Variants in CACNB2 observed in about 807,000 individuals in gnomAD.
CACNB2 encodes voltage-dependent L-type calcium channel subunit beta-2.
A neutral mutation model predicts 73.3 loss-of-function variants in CACNB2; 42 were observed. The observed-to-expected ratio is 0.57, with a 90% confidence interval of 0.45 to 0.74. The LOEUF (loss-of-function observed/expected upper bound fraction) is 0.74, where lower values mean the gene tolerates loss of function less well. Among genes scored for constraint, CACNB2 ranks in the 30% least tolerant of loss-of-function variants. The pLI, the probability that CACNB2 is intolerant of heterozygous loss-of-function variation, is 0.00. For synonymous variants in CACNB2, 348 were observed against 310.3 expected (o/e 1.12, Z -1.28); for missense variants, 940 against 853.0 (o/e 1.10, Z -1.27).
chr10:18,262,760 A>G (rs1398614168), intron 2 of CACNB2, among the ~76,000 whole-genome samples: 1 of 152,256 alleles, frequency 6.6e-6, no homozygotes, highest in Admixed American at 6.5e-5. Context: ...ATGAATTAGA[A>G]GAAATCCATG....
chr10:18,363,641 A>C (rs1412206742), intron 2 of CACNB2, among the ~76,000 whole-genome samples: 3 of 152,156 alleles, frequency 2.0e-5, no homozygotes, highest in Non-Finnish European at 4.4e-5. Flanking sequence ...GCATGTTTAA[A>C]ATATGTATAT....
chr10:18,449,228 C>CA (rs1192519333), intron 3 of CACNB2, among the ~76,000 whole-genome samples: 2 of 151,804 alleles, frequency 1.3e-5, no homozygotes, highest in South Asian at 4.2e-4. Context: ...ACTAAAAATA[C>CA]AAAAAAATTA....
chr10:18,370,446 C>T (rs1263201380), intron 2 of CACNB2, among the ~76,000 whole-genome samples: 1 of 152,178 alleles, frequency 6.6e-6, no homozygotes, highest in Non-Finnish European at 1.5e-5. Flanking sequence ...CACAGACATG[C>T]ACCACCATGC....
intron 2 of CACNB2, among the ~76,000 whole-genome samples, chr10:18,222,847 G>T (rs1461113876): frequency 6.6e-6 from 1 of 152,198 alleles, no homozygotes; most frequent in Non-Finnish European, 1.5e-5. Context: ...TGAGGCAGGA[G>T]AATTTCTTGA....
At chr10:18,485,876 C>T (rs1382336514) in intron 3 of CACNB2, among the ~76,000 whole-genome samples, 1 of 151,486 alleles carries the variant, frequency 6.6e-6, no homozygotes, top group African/African-American at 2.4e-5. Context: ...AGCCACCGTG[C>T]CCAGCCTCCA....
At chr10:18,384,591 G>A (rs969346219) in intron 2 of CACNB2, among the ~76,000 whole-genome samples, 2 of 151,928 alleles carry the variant, frequency 1.3e-5, no homozygotes, top group Admixed American at 1.3e-4. Context: ...TTAGCTGGGC[G>A]TGATGGTGCA....
chr10:18,289,129 A>G (rs542683072), intron 2 of CACNB2, among the ~76,000 whole-genome samples: 1 of 152,100 alleles, frequency 6.6e-6, no homozygotes, highest in Non-Finnish European at 1.5e-5. Flanking sequence ...CTGATTAAAA[A>G]TTTCATATCT....
At chr10:18,403,755 G>A (rs1431899164) in intron 3 of CACNB2, among the ~76,000 whole-genome samples, 1 of 151,912 alleles carries the variant, frequency 6.6e-6, no homozygotes, top group Non-Finnish European at 1.5e-5. Flanking sequence ...ATGATGTAGA[G>A]GATAAAAGAA....
chr10:18,436,893 G>C (rs1160090352), intron 3 of CACNB2, among the ~76,000 whole-genome samples: 3 of 152,132 alleles, frequency 2.0e-5, no homozygotes, highest in African/African-American at 7.2e-5. Context: ...AAAAGAGAGA[G>C]TCACCTTATA....
intron 2 of CACNB2, among the ~76,000 whole-genome samples, chr10:18,319,589 A>G (rs930069856): frequency 6.6e-6 from 1 of 152,182 alleles, no homozygotes; most frequent in Non-Finnish European, 1.5e-5. Context: ...CATTCTGCAC[A>G]TGTATCCTGG....
rs190023768 is a variant in CACNB2 at position 18,266,762 on chromosome 10, T to C, written c.213+115787T>C. Among the ~76,000 whole-genome samples, 679 of 152,172 alleles carry C rather than the reference T, an allele frequency of 4.5e-3. 12 individuals carry two copies. Among genetic ancestry groups the C allele is most frequent in the African/African-American group, 0.016 (647 of 41,524 alleles). On this transcript the variant is annotated intron_variant, in intron 2 of 13. Transcript: ENST00000324631. ...GAACTTAGCCGTGCGTGGTGGTGCA[T>C]GCCTGTAATCCCAGCTACTCGGGAG...
chr10:18,310,888 T>A (rs1028598042), intron 2 of CACNB2, among the ~76,000 whole-genome samples: 1 of 152,042 alleles, frequency 6.6e-6, no homozygotes, highest in Non-Finnish European at 1.5e-5. Context: ...CGGACTGTTT[T>A]CTTTCATTTT....
At chr10:18,407,655 C>T (rs983601651) in intron 3 of CACNB2, among the ~76,000 whole-genome samples, 1 of 152,000 alleles carries the variant, frequency 6.6e-6, no homozygotes, top group African/African-American at 2.4e-5. Flanking sequence ...TTTACTGGCT[C>T]TCTGGTTTGT....
At chr10:18,186,009 A>G (rs1478625373) in intron 2 of CACNB2, among the ~76,000 whole-genome samples, 1 of 152,194 alleles carries the variant, frequency 6.6e-6, no homozygotes, top group African/African-American at 2.4e-5. Context: ...TTTAGTTGAC[A>G]TGTGAACAGA....
At chr10:18,478,614 T>A (rs1202005167) in intron 3 of CACNB2, among the ~76,000 whole-genome samples, 2 of 152,310 alleles carry the variant, frequency 1.3e-5, no homozygotes, top group Admixed American at 6.5e-5. Context: ...CAAATGTATT[T>A]AACATGCACA....
chr10:18,457,861 G>T (rs1458166197), intron 3 of CACNB2, among the ~76,000 whole-genome samples: 1 of 151,946 alleles, frequency 6.6e-6, no homozygotes, highest in Non-Finnish European at 1.5e-5. Context: ...TTGTACTCCA[G>T]CCTGGGTGAC....
chr10:18,356,973 T>C (rs2041946002), intron 2 of CACNB2, among the ~76,000 whole-genome samples: 2 of 95,966 alleles, frequency 2.1e-5, no homozygotes, highest in East Asian at 2.2e-4. Flanking sequence ...GAGACGGAGT[T>C]TCGCTCTGTC....
chr10:18,255,394 A>G (rs918540501), intron 2 of CACNB2, among the ~76,000 whole-genome samples: 3 of 152,098 alleles, frequency 2.0e-5, no homozygotes, highest in Non-Finnish European at 4.4e-5. Flanking sequence ...TGACCCTTCT[A>G]ATTCTCGAAG....
At chr10:18,322,568 A>T (rs905800433) in intron 2 of CACNB2, among the ~76,000 whole-genome samples, 21 of 152,204 alleles carry the variant, frequency 1.4e-4, no homozygotes, top group African/African-American at 5.1e-4. Flanking sequence ...GAGCAATGTG[A>T]TATCTCTAAT....
Sources: gnomAD v4.1 joint callset for allele counts (sites outside exome capture counted in the v4.1 genomes callset) on GRCh38, gnomAD v4.1.1 for gene constraint, MANE v1.5 for transcripts, NCBI Gene and HGNC (gene_info 2026-07-23, HGNC 2026-07-21) for gene names.